Variants in ERCC8 observed in about 807,000 individuals in gnomAD.
ERCC8 encodes the protein DNA excision repair protein ERCC-8.
In ERCC8, 52 loss-of-function variants were observed where a neutral mutation model predicts 54.9. The observed-to-expected ratio is 0.95, with a 90% CI of 0.76 to 1.19. ERCC8 has a LOEUF of 1.19. Among genes scored for constraint, ERCC8 ranks in the 50% most tolerant of loss-of-function variants. The probability of loss-of-function intolerance (pLI) is 0.00; values close to 1 mark genes in which losing one functional copy is unlikely to be tolerated. For synonymous variants in ERCC8, 146 were observed against 157.2 expected, an observed-to-expected ratio of 0.93 and a Z score of 0.53; for missense variants, 514 against 466.1, an observed-to-expected ratio of 1.10 and a Z score of -0.95.
At chr5:60,883,299 G>A (rs1748299657) in intron 11 of ERCC8, among the ~76,000 whole-genome samples, 1 of 152,064 alleles carries the variant, frequency 6.6e-6, no homozygotes, top group African/African-American at 2.4e-5. Flanking sequence ...ATATTATACT[G>A]GTAGTATGAT....
intron 7 of ERCC8, among the ~76,000 whole-genome samples, chr5:60,900,113 C>G (rs4647117): frequency 6.6e-6 from 1 of 151,952 alleles, no homozygotes; most frequent in Non-Finnish European, 1.5e-5. Context: ...AAGCAATTAA[C>G]TAATTTCACT....
intron 1 of ERCC8, among the ~76,000 whole-genome samples, chr5:60,939,965 G>C (rs1385274052): frequency 6.6e-6 from 1 of 151,852 alleles, no homozygotes; most frequent in East Asian, 1.9e-4. Flanking sequence ...ATCTTGTCTG[G>C]ACTTCAGTGA....
intron 11 of ERCC8, among the ~76,000 whole-genome samples, chr5:60,884,260 A>G (rs1748327867): frequency 1.3e-5 from 2 of 152,180 alleles, no homozygotes; most frequent in Admixed American, 1.3e-4. Context: ...CGGGTGGATC[A>G]TGAGGTCAGG....
rs1747796798 is a variant in ERCC8, at chr5:60,868,416, A to G, written c.*6199T>C. ...TCATGAGGAGTGGTCAGTCAAGAGG[A>G]CATTGGGCACCTGAAAAGTCCTACA... On this transcript the variant is annotated 3_prime_UTR_variant, in exon 12 of 12. Transcript: ENST00000676185. Among the ~76,000 whole-genome samples, 1 of 152,186 alleles carries G rather than the reference A, an allele frequency of 6.6e-6. No individual in the cohort carries two copies. Among genetic ancestry groups the G allele is most frequent in the African/African-American group, 2.4e-5 (1 of 41,442 alleles).
intron 11 of ERCC8, among the ~76,000 whole-genome samples, chr5:60,884,178 A>C (rs1056143875): frequency 6.6e-5 from 10 of 152,156 alleles, no homozygotes; most frequent in African/African-American, 2.4e-4. Context: ...AGTTTCCTGA[A>C]GCTAAAGACT....
Position 60,928,878 on chromosome 5 carries a change from A to T in ERCC8, c.159T>A (p.Pro53=), listed in dbSNP as rs2112532157. The change falls in exon 2 of 12, where the codon CCT becomes CCA. Residue 53 remains proline, a synonymous_variant. Coordinates refer to ENST00000676185, the MANE Select transcript of ERCC8 (RefSeq NM_000082.4). ...GGGINTLDIE[P]VEGRYMLSGG... ...AATAAACTTACTATCTCCCTTCAAC[A>T]GGTTCAATGTCAAGGGTGTTAATTC... is the stretch of plus-strand genomic sequence containing the variant. 6.3e-7 allele frequency: 1 copy of T among 1,590,304 alleles called. No homozygotes were observed. Among genetic ancestry groups the T allele is most frequent in the African/African-American group, 1.3e-5 (1 of 74,556 alleles).
chr5:60,890,024 G>T (rs1446967720), intron 10 of ERCC8, among the ~76,000 whole-genome samples: 2 of 152,040 alleles, frequency 1.3e-5, no homozygotes, highest in Non-Finnish European at 2.9e-5. Context: ...GCTTGGTGCA[G>T]CAGCTGTTTA....
chr5:60,895,824 A>C (rs571729609), intron 9 of ERCC8, among the ~76,000 whole-genome samples: 1 of 152,318 alleles, frequency 6.6e-6, no homozygotes, highest in South Asian at 2.1e-4. Flanking sequence ...CCTAGTTATA[A>C]AACTTATGGT....
intron 9 of ERCC8, among the ~76,000 whole-genome samples, chr5:60,895,650 G>A (rs1748703728): frequency 6.6e-6 from 1 of 152,110 alleles, no homozygotes; most frequent in African/African-American, 2.4e-5. Flanking sequence ...TCCCTCATTT[G>A]TGTCTTCTGA....
chr5:60,877,230 T>C (rs185328534), intron 11 of ERCC8, among the ~76,000 whole-genome samples: 2 of 152,206 alleles, frequency 1.3e-5, no homozygotes, highest in South Asian at 2.1e-4. Context: ...CTCTGTTCCA[T>C]TGGTCTATAT....
chr5:60,870,723 TA>T lies in ERCC8; in HGVS notation c.*3891del, dbSNP rs1747846139. Reference sequence around the variant, plus strand: ...AGGTCAGTTACATGCAATTTTTAGATAATCCAAAAAAGAAGAAGGAAAAAGG... The same window carrying T: ...AGGTCAGTTACATGCAATTTTTAGATATCCAAAAAAGAAGAAGGAAAAAGG... On this transcript the variant is annotated 3_prime_UTR_variant, in exon 12 of 12. Coordinates refer to ENST00000676185, the MANE Select transcript of ERCC8 (RefSeq NM_000082.4). Among the ~76,000 whole-genome samples the T allele has an allele frequency of 6.7e-6, 1 of 149,662 alleles. No individual in the cohort carries two copies. The highest frequency in any genetic ancestry group is 6.7e-5 in the Admixed American group (1 of 15,030).
intron 1 of ERCC8, chr5:60,932,081 A>C (rs1749924093): frequency 6.6e-6 from 1 of 152,276 alleles, no homozygotes; most frequent in African/African-American, 2.4e-5. Context: ...AGGAAACCTA[A>C]TCCCATACTA....
intron 9 of ERCC8, chr5:60,892,755 G>A: frequency 1.4e-6 from 1 of 691,178 alleles, no homozygotes; most frequent in East Asian, 2.6e-5. Flanking sequence ...AACAATGGCT[G>A]GAGCATCCAG....
Position 60,904,886 on chromosome 5 carries a change from A to G in ERCC8, c.400-13T>C. ...ATACATCTGCAGTCTGGTAATCAAA[A>G]GACATTTAAAAAGTATAAGGTTTAA... On this transcript the variant is annotated splice_polypyrimidine_tract_variant and intron_variant, in intron 4 of 11. Coordinates refer to ENST00000676185, the MANE Select transcript of ERCC8 (RefSeq NM_000082.4). The G allele has an allele frequency of 7.6e-7, 1 of 1,310,352 alleles. No homozygotes were observed. The highest frequency in any genetic ancestry group is 1.1e-6 in the Non-Finnish European group (1 of 903,712). 81.2% of individuals were successfully genotyped at this position (1,310,352 alleles called of 1,614,324 possible). A position where few individuals can be genotyped will look rare whatever the true frequency, so the allele number is the denominator to read the frequency against.
intron 9 of ERCC8, chr5:60,892,910 G>A (rs1185838411): frequency 5.4e-6 from 4 of 737,846 alleles, no homozygotes; most frequent in African/African-American, 1.7e-5. Flanking sequence ...TGTCCATATG[G>A]ATGTGGGTGC....
rs768093230 is a variant in ERCC8, at chr5:60,885,642, C to T, written c.1122+1798G>A. ...TCAAGCCACAATAAACCAAATTAGA[C>T]GTGATAAAATCTGGAAGTATGCATA... is the stretch of plus-strand genomic sequence containing the variant. On this transcript the variant is annotated intron_variant, in intron 11 of 11. Coordinates refer to ENST00000676185, the MANE Select transcript of ERCC8 (RefSeq NM_000082.4). Among the ~76,000 whole-genome samples, 5 of 152,068 alleles carry T rather than the reference C, an allele frequency of 3.3e-5. 1 individual carries two copies. The highest frequency in any genetic ancestry group is 1.9e-4 in the East Asian group (1 of 5,198).
At chr5:60,892,128 A>G (rs568847513) in intron 9 of ERCC8, 582 of 502,550 alleles carry the variant, frequency 1.2e-3, no homozygotes, top group Admixed American at 2.4e-3. Context: ...CTGGGCACAC[A>G]TCCACCTTAC....
intron 9 of ERCC8, chr5:60,893,753 G>A: frequency 2.7e-6 from 1 of 366,872 alleles, no homozygotes; most frequent in Non-Finnish European, 4.9e-6. Context: ...TCTCCACGAG[G>A]GGGCGGGGCT....
intron 1 of ERCC8, among the ~76,000 whole-genome samples, chr5:60,938,105 A>G (rs1166990760): frequency 2.0e-5 from 2 of 101,280 alleles, no homozygotes; most frequent in Admixed American, 2.3e-4. Context: ...TTTTTTTTTT[A>G]GGTTACGAAG....
Sources: allele counts gnomAD v4.1 joint callset (sites outside exome capture counted in the v4.1 genomes callset), GRCh38; gene constraint gnomAD v4.1.1; transcripts MANE v1.5; gene names NCBI Gene and HGNC (gene_info 2026-07-23, HGNC 2026-07-21).